The following MRPS18B variants were observed in gnomAD, a reference collection of about 807,000 sequenced individuals.
MRPS18B encodes small ribosomal subunit protein mS40.
MRPS18B carries 27 observed loss-of-function variants against 28.4 expected under a neutral mutation model. The ratio of observed to expected loss-of-function variants is 0.95; its 90% confidence interval spans 0.70 to 1.31. MRPS18B has a LOEUF of 1.31. Among genes scored for constraint, MRPS18B ranks in the 40% most tolerant of loss-of-function variants. The pLI is 0.00. For missense variants in MRPS18B, 343 were observed against 335.9 expected (o/e 1.02, Z -0.17); for synonymous variants, 118 against 123.7 (o/e 0.95, Z 0.30).
At chr6:30,625,456 C>G in intron 6 of MRPS18B, 46 bp from the exon 7 acceptor site, 3 of 1,454,478 alleles carry the variant, frequency 2.1e-6, no homozygotes, top group Non-Finnish European at 2.8e-6. Context: ...ATCTAAACCA[C>G]CCTCCTCATT....
chr6:30,618,145 T>G lies in MRPS18B; in HGVS notation c.78+202T>G, dbSNP rs555229013. Reference sequence around the variant, plus strand: ...GACTAAACGCCAGGGTTAGGTATCATCCTTTTTCCAAAATGCCATTTCAGT... The same window carrying G: ...GACTAAACGCCAGGGTTAGGTATCAGCCTTTTTCCAAAATGCCATTTCAGT... On this transcript the variant is annotated intron_variant, in intron 1 of 6. Coordinates refer to ENST00000259873, the MANE Select transcript of MRPS18B (RefSeq NM_014046.4). Among the ~76,000 whole-genome samples the G allele has an allele frequency of 1.1e-4, 16 of 149,086 alleles. No homozygotes were observed. In the South Asian group the frequency reaches 3.0e-3, roughly 28 times the overall value.
At position 30,625,883 on chromosome 6, in the gene MRPS18B, T is replaced by C; in HGVS notation, c.*86T>C. The stretch of plus-strand genomic sequence containing the variant: ...TGGGAAGCCAAGGTGGGCTGATCAC[T>C]TGATCCCAGGAGTTTGAGACCAGCC... On this transcript the variant is annotated 3_prime_UTR_variant, in exon 7 of 7. Coordinates refer to ENST00000259873, the MANE Select transcript of MRPS18B (RefSeq NM_014046.4). 1 of 1,415,168 alleles carries C rather than the reference T, an allele frequency of 7.1e-7. No homozygotes were observed. Among genetic ancestry groups the C allele is most frequent in the Non-Finnish European group, 9.6e-7 (1 of 1,038,646 alleles). 87.7% of individuals were successfully genotyped at this position (1,415,168 alleles called of 1,614,324 possible).
At chr6:30,618,468 C>T (rs757505583) in intron 1 of MRPS18B, 18 of 154,712 alleles carry the variant, frequency 1.2e-4, no homozygotes, top group Non-Finnish European at 2.0e-4. Flanking sequence ...AGTTTCTCAG[C>T]TCTCTTTATT....
chr6:30,624,147 C>T (rs1761339880), intron 5 of MRPS18B, among the ~76,000 whole-genome samples: 1 of 151,760 alleles, frequency 6.6e-6, no homozygotes, highest in South Asian at 2.1e-4. Flanking sequence ...GGCTGGAGTG[C>T]AGTGGCATGA....
chr6:30,623,636 T>C (rs1761305503), intron 5 of MRPS18B, among the ~76,000 whole-genome samples: 1 of 152,228 alleles, frequency 6.6e-6, no homozygotes, highest in Non-Finnish European at 1.5e-5. Flanking sequence ...ATTGCTTCCA[T>C]GCTACAATGG....
chr6:30,621,354 A>G (rs1761146590), intron 4 of MRPS18B, among the ~76,000 whole-genome samples: 1 of 152,206 alleles, frequency 6.6e-6, no homozygotes, highest in Non-Finnish European at 1.5e-5. Flanking sequence ...GTGAGCTGAG[A>G]TTGCACCACT....
intron 4 of MRPS18B, among the ~76,000 whole-genome samples, chr6:30,621,039 G>A (rs1452640385): frequency 2.6e-5 from 4 of 152,370 alleles, no homozygotes; most frequent in Admixed American, 6.5e-5. Flanking sequence ...TATGAAGCAA[G>A]ATAGAGTCCA....
chr6:30,621,491 G>A (rs546778721), intron 4 of MRPS18B, among the ~76,000 whole-genome samples: 1 of 152,336 alleles, frequency 6.6e-6, no homozygotes, highest in East Asian at 1.9e-4. Context: ...AAAAGTATTA[G>A]AGCAGAAGCT....
At chr6:30,620,532 C>T (rs1761089971) in intron 4 of MRPS18B, among the ~76,000 whole-genome samples, 1 of 151,592 alleles carries the variant, frequency 6.6e-6, no homozygotes, top group South Asian at 2.1e-4. Context: ...TATCCTATGC[C>T]TATGAAATTT....
chr6:30,622,300 T>G (rs1761206228), intron 4 of MRPS18B, among the ~76,000 whole-genome samples: 1 of 151,948 alleles, frequency 6.6e-6, no homozygotes, highest in African/African-American at 2.4e-5. Context: ...CGGTGGCTCA[T>G]GCCTGTAATC....
rs944329768 is a variant in MRPS18B at position 30,625,361 on chromosome 6, G to A, written c.482-141G>A. 1.7e-5 allele frequency: 15 copies of A among 871,676 alleles called. 1 individual carries two copies. Among genetic ancestry groups the A allele is most frequent in the Non-Finnish European group, 2.3e-5 (13 of 563,808 alleles). The allele number at this position is 871,676 out of a possible 1,614,324, so 54.0% of individuals were successfully genotyped here. ...CAGCCCACACTTGCCCTCTGGGCCG[G>A]TCACCTGTTTGCAGTATACAACATG... is the stretch of plus-strand genomic sequence containing the variant. On this transcript the variant is annotated intron_variant, in intron 6 of 6. Transcript: ENST00000259873.
chr6:30,623,970 A>G (rs1761327645), intron 5 of MRPS18B, among the ~76,000 whole-genome samples: 1 of 151,894 alleles, frequency 6.6e-6, no homozygotes, highest in African/African-American at 2.4e-5. Context: ...CATGTTGGTC[A>G]GGCTGGTCTC....
chr6:30,623,000 C>T, intron 5 of MRPS18B, 102 bp downstream of exon 5: 1 of 1,173,962 alleles, frequency 8.5e-7, no homozygotes, highest in Non-Finnish European at 1.3e-6. Context: ...CTGCTTATAG[C>T]CTAAAAGGTC....
chr6:30,618,790 C>G (rs1158856676), intron 1 of MRPS18B, among the ~76,000 whole-genome samples: 1 of 152,188 alleles, frequency 6.6e-6, no homozygotes, highest in Non-Finnish European at 1.5e-5. Flanking sequence ...TGGAGACTCA[C>G]CTGTCTTCTG....
rs569622742 is a variant in MRPS18B at position 30,617,935 on chromosome 6, A to G, written c.70A>G (p.Arg24Gly). The change falls in exon 1 of 7, where the codon AGA becomes GGA. Residue 24 changes from arginine to glycine, a missense_variant. Arg to Gly is a moderately radical substitution (Grantham distance 125, BLOSUM62 -2). Transcript: ENST00000259873. ...GCTATCTCTCTTCCGAGGTTCTCACAGAGTTCAGGTAACTCTTCGAAAGAC... is the reference window on the plus strand; with the variant it reads ...GCTATCTCTCTTCCGAGGTTCTCACGGAGTTCAGGTAACTCTTCGAAAGAC... ...PMLSLFRGSH[R>G]VQVPLQTLCT... The G allele has an allele frequency of 5.6e-6, 9 of 1,614,214 alleles. No individual in the cohort carries two copies. The East Asian group carries it at 1.3e-4, about 24-fold the overall frequency.
Position 30,619,903 on chromosome 6 carries a change from T to A in MRPS18B, c.286-18T>A. 5.0e-6 allele frequency: 8 copies of A among 1,613,582 alleles called. No homozygotes were observed. Among genetic ancestry groups the A allele is most frequent in the Non-Finnish European group, 6.8e-6 (8 of 1,179,562 alleles). On this transcript the variant is annotated intron_variant, in intron 3 of 6. Transcript: ENST00000259873. Reference sequence around the variant, plus strand: ...CGTGTTTGAACATCCTTAACTGCTGTTTTTTTTCTCTCTACAGCGTCGGAA... The same window carrying A: ...CGTGTTTGAACATCCTTAACTGCTGATTTTTTTCTCTCTACAGCGTCGGAA...
Position 30,625,971 on chromosome 6 carries a change from G to A in MRPS18B, c.*174G>A. ...ACAAAAATTAGCTGGGTGTGGTGGT[G>A]CACACCTGTAGTCTCAACTATTGGG... On this transcript the variant is annotated 3_prime_UTR_variant, in exon 7 of 7. Coordinates refer to ENST00000259873, the MANE Select transcript of MRPS18B (RefSeq NM_014046.4). The A allele has an allele frequency of 1.5e-6, 1 of 654,912 alleles. No homozygotes were observed. Among genetic ancestry groups the A allele is most frequent in the Non-Finnish European group, 2.6e-6 (1 of 390,136 alleles). The allele number at this position is 654,912 out of a possible 1,614,324, so 40.6% of individuals were successfully genotyped here.
At chr6:30,620,548 C>CT in intron 4 of MRPS18B, among the ~76,000 whole-genome samples, 1 of 151,570 alleles carries the variant, frequency 6.6e-6, no homozygotes, top group Non-Finnish European at 1.5e-5. Context: ...AATTTACAGT[C>CT]TAAATTGGCA....
At chr6:30,624,324 G>T (rs1260174293) in intron 5 of MRPS18B, among the ~76,000 whole-genome samples, 1 of 151,672 alleles carries the variant, frequency 6.6e-6, no homozygotes, top group Admixed American at 6.6e-5. Flanking sequence ...TTGAACTCCT[G>T]ACCTCAAGTG....
Sources: allele counts gnomAD v4.1 joint callset (sites outside exome capture counted in the v4.1 genomes callset), GRCh38; gene constraint gnomAD v4.1.1; transcripts MANE v1.5; gene names NCBI Gene and HGNC (gene_info 2026-07-23, HGNC 2026-07-21).